Variants in SPOCK1 observed in about 807,000 individuals in gnomAD.
SPOCK1 encodes the protein SPARC (osteonectin), cwcv and kazal like domains proteoglycan 1.
A neutral mutation model predicts 55.3 loss-of-function variants in SPOCK1; 23 were observed. The ratio of observed to expected loss-of-function variants is 0.42; its 90% CI spans 0.30 to 0.59. The LOEUF (loss-of-function observed/expected upper bound fraction) is 0.59. SPOCK1 is among the 20% of genes least tolerant of loss of function. The pLI is 0.22. For synonymous variants in SPOCK1, 226 were observed against 221.0 expected (o/e 1.02, Z -0.20); for missense variants, 499 against 552.5 (o/e 0.90, Z 0.97).
chr5:137,227,235 A>G (rs10515492), intron 3 of SPOCK1, among the ~76,000 whole-genome samples: 3,360 of 152,294 alleles, frequency 0.022, 126 homozygotes, highest in African/African-American at 0.077. Flanking sequence ...AATACTCCTC[A>G]AAGCATGGAC....
At chr5:137,319,034 TA>T (rs2127145888) in intron 2 of SPOCK1, among the ~76,000 whole-genome samples, 1 of 152,334 alleles carries the variant, frequency 6.6e-6, no homozygotes, top group South Asian at 2.1e-4. Flanking sequence ...AGTTGAAAGC[TA>T]AAAAACATAA....
rs902774245 is a variant in SPOCK1, at chr5:136,977,698, A to T, written c.*956T>A. On this transcript the variant is annotated 3_prime_UTR_variant, in exon 11 of 11. Coordinates refer to ENST00000394945, the MANE Select transcript of SPOCK1 (RefSeq NM_004598.4). ...TGTGAAGCTGCCCGTGTCGTGTGGG[A>T]GTCGCATGGCTTCTGCGAGAAAAGT... 2.5e-6 allele frequency: 1 copy of T among 398,186 alleles called. No individual in the cohort carries two copies. Among genetic ancestry groups the T allele is most frequent in the Non-Finnish European group, 4.4e-6 (1 of 225,802 alleles). 24.7% of individuals were successfully genotyped at this position (398,186 alleles called of 1,614,324 possible). A position where few individuals can be genotyped will look rare whatever the true frequency, so the allele number is the denominator to read the frequency against.
intron 2 of SPOCK1, among the ~76,000 whole-genome samples, chr5:137,409,483 G>A (rs77589555): frequency 0.045 from 6,811 of 152,242 alleles, 519 homozygotes; most frequent in African/African-American, 0.15. Flanking sequence ...CAGACAGCCT[G>A]GGCTCATATC....
Position 137,024,337 on chromosome 5 carries a change from ACTG to A in SPOCK1, c.590-31740_590-31738del. Among the ~76,000 whole-genome samples the A allele has an allele frequency of 1.3e-5, 2 of 150,068 alleles. 1 individual carries two copies. Among genetic ancestry groups the A allele is most frequent in the Middle Eastern group, 7.0e-3 (2 of 286 alleles). On this transcript the variant is annotated intron_variant, in intron 6 of 10. Transcript: ENST00000394945. ...GAAGGGGGGGGGGTAGTTACAACTG[ACTG>A]CTCATGTTTTGTTAAATACAACACT...
intron 4 of SPOCK1, among the ~76,000 whole-genome samples, chr5:137,114,472 T>G (rs1300358988): frequency 6.6e-6 from 1 of 152,194 alleles, no homozygotes; most frequent in Non-Finnish European, 1.5e-5. Context: ...TTCACTGCTT[T>G]CATAGCTGCT....
chr5:137,435,225 C>T (rs1457100892), intron 2 of SPOCK1, among the ~76,000 whole-genome samples: 1 of 152,192 alleles, frequency 6.6e-6, no homozygotes, highest in Non-Finnish European at 1.5e-5. Flanking sequence ...GACTTACATT[C>T]ACATAGATAA....
At chr5:137,326,712 A>C (rs1410442199) in intron 2 of SPOCK1, among the ~76,000 whole-genome samples, 2 of 152,236 alleles carry the variant, frequency 1.3e-5, no homozygotes, top group Non-Finnish European at 2.9e-5. Context: ...AAACCTGCCA[A>C]CACATATTCT....
intron 3 of SPOCK1, among the ~76,000 whole-genome samples, chr5:137,204,747 C>G (rs1229083666): frequency 6.6e-6 from 1 of 152,290 alleles, no homozygotes; most frequent in Non-Finnish European, 1.5e-5. Context: ...AACCCTTGAG[C>G]AGCTTCATCC....
chr5:137,326,942 T>C (rs1349436383), intron 2 of SPOCK1, among the ~76,000 whole-genome samples: 1 of 152,226 alleles, frequency 6.6e-6, no homozygotes, highest in East Asian at 1.9e-4. Flanking sequence ...TAAACCTCAT[T>C]ATTTCTGACA....
chr5:137,351,822 A>G (rs1750687164), intron 2 of SPOCK1, among the ~76,000 whole-genome samples: 1 of 152,246 alleles, frequency 6.6e-6, no homozygotes, highest in Non-Finnish European at 1.5e-5. Context: ...CCACATAATC[A>G]TGATGGGAGT....
At chr5:137,439,874 C>G (rs1021650448) in intron 2 of SPOCK1, among the ~76,000 whole-genome samples, 2 of 152,168 alleles carry the variant, frequency 1.3e-5, no homozygotes, top group Non-Finnish European at 2.9e-5. Flanking sequence ...CTTAATCAAA[C>G]AGCCCAGCCA....
intron 6 of SPOCK1, among the ~76,000 whole-genome samples, chr5:137,008,656 A>G (rs1479636838): frequency 1.3e-5 from 2 of 152,230 alleles, no homozygotes. Flanking sequence ...CTGTCAATGA[A>G]GAAATGATAC....
At chr5:137,430,782 G>A (rs4257762) in intron 2 of SPOCK1, among the ~76,000 whole-genome samples, 140,105 of 152,246 alleles carry the variant, frequency 0.92, 65,227 homozygotes, top group East Asian at 1. Context: ...AATGTATACC[G>A]TAACTGACTG....
intron 2 of SPOCK1, among the ~76,000 whole-genome samples, chr5:137,444,013 C>T (rs1753070762): frequency 6.6e-6 from 1 of 152,184 alleles, no homozygotes; most frequent in Non-Finnish European, 1.5e-5. Flanking sequence ...CAGGCATAAA[C>T]AGGCATAAAG....
chr5:137,056,927 C>T (rs776897481), intron 6 of SPOCK1, among the ~76,000 whole-genome samples: 2 of 152,106 alleles, frequency 1.3e-5, no homozygotes, highest in Non-Finnish European at 1.5e-5. Context: ...GATCCTTCTA[C>T]ATGGTAAAAT....
intron 3 of SPOCK1, among the ~76,000 whole-genome samples, chr5:137,242,698 A>T (rs1199542212): frequency 6.6e-6 from 1 of 152,220 alleles, no homozygotes; most frequent in Non-Finnish European, 1.5e-5. Flanking sequence ...TGATTTCGCC[A>T]CTGCATTCCA....
chr5:137,488,360 G>C (rs945940867), intron 2 of SPOCK1, among the ~76,000 whole-genome samples: 2 of 152,102 alleles, frequency 1.3e-5, no homozygotes, highest in Non-Finnish European at 2.9e-5. Context: ...CTGGGCGACA[G>C]AGCAAGACTC....
chr5:137,240,755 A>G (rs1461791215), intron 3 of SPOCK1, among the ~76,000 whole-genome samples: 1 of 152,240 alleles, frequency 6.6e-6, no homozygotes, highest in East Asian at 1.9e-4. Context: ...TATAAAAAAA[A>G]AGAGAGACTC....
In SPOCK1 at chr5:137,000,360, G is replaced by A. The variant is rs555162812; in HGVS notation, c.590-7760C>T. On this transcript the variant is annotated intron_variant, in intron 6 of 10. Transcript: ENST00000394945. ...GATGAAATAACACTTTCCAGAGTCT[G>A]GGTTCAAGCAAACACAAGGGTGCCT... Among the ~76,000 whole-genome samples the A allele has an allele frequency of 5.9e-5, 9 of 152,256 alleles. No individual in the cohort carries two copies. In the South Asian group the frequency reaches 1.9e-3, roughly 32 times the overall value.
Sources: allele counts gnomAD v4.1 joint callset (sites outside exome capture counted in the v4.1 genomes callset), GRCh38; gene constraint gnomAD v4.1.1; transcripts MANE v1.5; gene names NCBI Gene and HGNC (gene_info 2026-07-23, HGNC 2026-07-21).